EBF1: variants seen among roughly 807,000 people sequenced by gnomAD.
EBF1 encodes transcription factor COE1.
A neutral mutation model predicts 68.4 loss-of-function variants in EBF1; 10 were observed. The ratio of observed to expected loss-of-function variants is 0.15; its 90% confidence interval spans 0.09 to 0.25. EBF1 has a LOEUF of 0.25. EBF1 is among the 10% of genes least tolerant of loss of function. The probability of loss-of-function intolerance (pLI) is 1.00; values close to 1 mark genes in which losing one functional copy is unlikely to be tolerated. For missense variants in EBF1, 509 were observed against 794.4 expected (o/e 0.64, Z 4.32); for synonymous variants, 298 against 299.8 (o/e 0.99, Z 0.06).
intron 6 of EBF1, among the ~76,000 whole-genome samples, chr5:158,911,944 C>A (rs1300203915): frequency 1.3e-5 from 2 of 152,236 alleles, no homozygotes; most frequent in Non-Finnish European, 2.9e-5. Context: ...CATACCTGAT[C>A]TCTATCACCA....
chr5:158,837,983 C>T (rs1789218630), intron 7 of EBF1, among the ~76,000 whole-genome samples: 1 of 152,166 alleles, frequency 6.6e-6, no homozygotes, highest in Non-Finnish European at 1.5e-5. Flanking sequence ...AATTCAGCCT[C>T]ATGTTGCAAG....
chr5:158,707,398 C>G (rs534782605), intron 15 of EBF1, among the ~76,000 whole-genome samples: 17 of 152,312 alleles, frequency 1.1e-4, no homozygotes, highest in African/African-American at 3.8e-4. Context: ...TCAGAATACT[C>G]TAGTGGTGTT....
intron 6 of EBF1, among the ~76,000 whole-genome samples, chr5:159,022,589 G>A (rs890513530): frequency 2.0e-5 from 3 of 152,184 alleles, no homozygotes; most frequent in East Asian, 1.9e-4. Context: ...GGGATTAACC[G>A]TAAAAACACT....
chr5:158,868,118 A>G (rs1322342239), intron 6 of EBF1, among the ~76,000 whole-genome samples: 1 of 151,946 alleles, frequency 6.6e-6, no homozygotes, highest in African/African-American at 2.4e-5. Context: ...ACAACATAAA[A>G]AATGGCTCCT....
chr5:158,913,752 T>A (rs963305983), intron 6 of EBF1, among the ~76,000 whole-genome samples: 2 of 152,310 alleles, frequency 1.3e-5, no homozygotes, highest in South Asian at 4.1e-4. Flanking sequence ...GAATTCGAGT[T>A]CGTGGAGGCT....
intron 6 of EBF1, among the ~76,000 whole-genome samples, chr5:159,062,785 G>A (rs1776101183): frequency 6.6e-6 from 1 of 152,148 alleles, no homozygotes; most frequent in Non-Finnish European, 1.5e-5. Context: ...ATTATCATGT[G>A]TAATACACAT....
In EBF1 at chr5:158,698,576, C is replaced by A. The variant is rs760005247; in HGVS notation, c.*535G>T. 19 of 219,028 alleles carry A rather than the reference C, an allele frequency of 8.7e-5. No individual in the cohort carries two copies. The highest frequency in any genetic ancestry group is 1.6e-4 in the Non-Finnish European group (17 of 109,318). 13.6% of individuals were successfully genotyped at this position (219,028 alleles called of 1,614,324 possible). A position where few individuals can be genotyped will look rare whatever the true frequency, so the allele number is the denominator to read the frequency against. On this transcript the variant is annotated 3_prime_UTR_variant, in exon 16 of 16. Transcript: ENST00000313708. ...AACTACCATTTGATATGCTTTAAGG[C>A]GCAAAAGCCGACCCTTAGTTTTTCT...
At chr5:159,016,341 T>C (rs1394515060) in intron 6 of EBF1, among the ~76,000 whole-genome samples, 1 of 152,196 alleles carries the variant, frequency 6.6e-6, no homozygotes, top group Non-Finnish European at 1.5e-5. Context: ...GTTGTTTTTT[T>C]CAGCTATGGC....
intron 15 of EBF1, among the ~76,000 whole-genome samples, chr5:158,705,000 TTCTG>T (rs756591816): frequency 3.9e-4 from 60 of 152,336 alleles, no homozygotes; most frequent in Middle Eastern, 3.4e-3. Flanking sequence ...TTTTCTTTCT[TTCTG>T]TCTTTCTTTT....
intron 6 of EBF1, among the ~76,000 whole-genome samples, chr5:158,969,877 A>AAAGG (rs1755084828): frequency 2.0e-5 from 2 of 98,960 alleles, no homozygotes; most frequent in East Asian, 4.8e-4. Context: ...AGAAAGAAAG[A>AAAGG]AAGAAAGAAA....
chr5:159,061,505 T>C (rs1170851593), intron 6 of EBF1, among the ~76,000 whole-genome samples: 1 of 152,024 alleles, frequency 6.6e-6, no homozygotes, highest in Non-Finnish European at 1.5e-5. Flanking sequence ...AATTAAACTA[T>C]GACAAATCAT....
At chr5:158,898,600 G>T (rs1412522169) in intron 6 of EBF1, among the ~76,000 whole-genome samples, 1 of 152,180 alleles carries the variant, frequency 6.6e-6, no homozygotes, top group Non-Finnish European at 1.5e-5. Context: ...CAATTGTTGG[G>T]TATAAATTCA....
At chr5:159,095,763 CA>C in intron 3 of EBF1, 88 bp from the exon 4 acceptor site, 1 of 1,385,456 alleles carries the variant, frequency 7.2e-7, no homozygotes, top group Non-Finnish European at 1.0e-6. Flanking sequence ...CAAAAAATAA[CA>C]ACAAAACCCC....
intron 6 of EBF1, among the ~76,000 whole-genome samples, chr5:158,893,834 T>C (rs1435322854): frequency 6.6e-6 from 1 of 152,158 alleles, no homozygotes; most frequent in Non-Finnish European, 1.5e-5. Flanking sequence ...GACAGTCCAG[T>C]CAGGGCAAGC....
intron 6 of EBF1, among the ~76,000 whole-genome samples, chr5:159,040,334 C>T (rs1199932306): frequency 1.3e-5 from 2 of 152,200 alleles, no homozygotes; most frequent in African/African-American, 4.8e-5. Flanking sequence ...TTTGAAAGCA[C>T]TATCTACTTT....
At chr5:159,012,244 G>A (rs898997708) in intron 6 of EBF1, among the ~76,000 whole-genome samples, 9 of 151,168 alleles carry the variant, frequency 6.0e-5, no homozygotes, top group African/African-American at 1.5e-4. Flanking sequence ...CTGAGATCGC[G>A]CCACTGCATT....
intron 6 of EBF1, among the ~76,000 whole-genome samples, chr5:159,072,359 G>A (rs56388234): frequency 0.23 from 34,872 of 151,852 alleles, 4,355 homozygotes; most frequent in Non-Finnish European, 0.27. Flanking sequence ...TTTTGTTGTT[G>A]TCATTGTTAA....
At chr5:158,975,934 A>G (rs1454155318) in intron 6 of EBF1, among the ~76,000 whole-genome samples, 1 of 152,208 alleles carries the variant, frequency 6.6e-6, no homozygotes, top group African/African-American at 2.4e-5. Context: ...TCAGCTTTAC[A>G]CCAAAGGAAG....
At chr5:158,775,776 GCA>G (rs1387837414) in intron 10 of EBF1, among the ~76,000 whole-genome samples, 13 of 56,034 alleles carry the variant, frequency 2.3e-4, no homozygotes, top group Non-Finnish European at 3.6e-4. Flanking sequence ...ACACACACAT[GCA>G]CACAGACACA....
Sources: allele counts gnomAD v4.1 joint callset (sites outside exome capture counted in the v4.1 genomes callset), GRCh38; gene constraint gnomAD v4.1.1; transcripts MANE v1.5; gene names NCBI Gene and HGNC (gene_info 2026-07-23, HGNC 2026-07-21).